Variants in PCDHA7 observed in about 807,000 individuals in gnomAD.
The protein encoded by PCDHA7 is protocadherin alpha-7.
PCDHA7 carries 37 observed loss-of-function variants against 57.2 expected under a neutral mutation model. The ratio of observed to expected loss-of-function variants is 0.65; its 90% confidence interval spans 0.50 to 0.85. The LOEUF (loss-of-function observed/expected upper bound fraction) is 0.85. Ranked by LOEUF, PCDHA7 falls within the 40% of genes least tolerant of loss-of-function variation. The pLI, the probability that PCDHA7 is intolerant of heterozygous loss-of-function variation, is 0.00. For synonymous variants in PCDHA7, 553 were observed against 558.8 expected (o/e 0.99, Z 0.15); for missense variants, 1,188 against 1,241.8 (o/e 0.96, Z 0.65).
intron 1 of PCDHA7, among the ~76,000 whole-genome samples, chr5:140,963,199 A>G (rs955651383): frequency 6.6e-6 from 1 of 152,092 alleles, no homozygotes; most frequent in Non-Finnish European, 1.5e-5. Flanking sequence ...TGAAAATGAA[A>G]AAAAAAACCT....
At chr5:140,898,957 G>A (rs1165991766) in intron 1 of PCDHA7, among the ~76,000 whole-genome samples, 13 of 152,052 alleles carry the variant, frequency 8.5e-5, no homozygotes, top group Admixed American at 8.5e-4. Flanking sequence ...AAGCAGTTGT[G>A]AATGGGAGTT....
chr5:140,875,882 A>G (rs2055902382), intron 1 of PCDHA7: 1 of 1,614,158 alleles, frequency 6.2e-7, no homozygotes, highest in Non-Finnish European at 8.5e-7. Flanking sequence ...AGAGAAAGGG[A>G]ACAAAAGGTA....
chr5:140,852,885 A>ATT, intron 1 of PCDHA7: 58 of 777,210 alleles, frequency 7.5e-5, no homozygotes, highest in Non-Finnish European at 8.7e-5. Flanking sequence ...CATAAAACGT[A>ATT]TTTTTTTTTT....
At chr5:140,914,116 A>T (rs2076611706) in intron 1 of PCDHA7, among the ~76,000 whole-genome samples, 1 of 152,128 alleles carries the variant, frequency 6.6e-6, no homozygotes. Flanking sequence ...ATTAAGTCTG[A>T]TGTTTCTTTG....
chr5:140,863,406 G>A (rs1228817689), intron 1 of PCDHA7: 1 of 800,564 alleles, frequency 1.2e-6, no homozygotes, highest in East Asian at 4.2e-5. Context: ...GCAAGCCCAC[G>A]CTGGTGTACC....
At chr5:140,876,775 C>A (rs373638459) in intron 1 of PCDHA7, 3 of 1,614,130 alleles carry the variant, frequency 1.9e-6, no homozygotes, top group Non-Finnish European at 1.7e-6. Flanking sequence ...CTCGCCTTCG[C>A]TGTGGGCCAC....
rs2150368778 is a variant in PCDHA7 at position 140,844,097 on chromosome 5, C to T, written c.2355+7359C>T. ...CTTAGGCACTGAACTCTTAATCTTA[C>T]TCCATATGCTGTACTTTGAAATGCA... On this transcript the variant is annotated intron_variant, in intron 1 of 3. Coordinates refer to ENST00000525929, the MANE Select transcript of PCDHA7 (RefSeq NM_018910.3). 8.7e-5 allele frequency among the ~76,000 whole-genome samples: 13 copies of T among 149,676 alleles called. No individual in the cohort carries two copies. In the East Asian group the frequency reaches 1.9e-3, roughly 22 times the overall value.
chr5:140,878,727 C>A (rs1329578817), intron 1 of PCDHA7, among the ~76,000 whole-genome samples: 2 of 152,186 alleles, frequency 1.3e-5, no homozygotes, highest in Non-Finnish European at 2.9e-5. Context: ...AAATTTCCAG[C>A]CTTATATCTA....
rs183844925 is a variant in PCDHA7, at chr5:140,839,263, T to C, written c.2355+2525T>C. Among the ~76,000 whole-genome samples the C allele has an allele frequency of 3.7e-4, 56 of 152,234 alleles. 2 individuals carry two copies. Among genetic ancestry groups the C allele is most frequent in the African/African-American group, 1.3e-3 (52 of 41,512 alleles). On this transcript the variant is annotated intron_variant, in intron 1 of 3. Transcript: ENST00000525929. ...CTTTGCTTTTATGCTTACATGCATG[T>C]ATATTTAAAACCTTCCTAGCATATT...
chr5:140,975,156 G>A (rs1404839334), intron 1 of PCDHA7, among the ~76,000 whole-genome samples: 15 of 152,174 alleles, frequency 9.9e-5, no homozygotes, highest in Non-Finnish European at 2.1e-4. Context: ...AGTTCCTAGA[G>A]AACTGAGGAC....
Position 140,994,911 on chromosome 5 carries a change from A to G in PCDHA7, c.2503+12348A>G, listed in dbSNP as rs527704488. Among the ~76,000 whole-genome samples, 14 of 152,340 alleles carry G rather than the reference A, an allele frequency of 9.2e-5. No homozygotes were observed. The East Asian group carries it at 1.7e-3, about 19-fold the overall frequency. On this transcript the variant is annotated intron_variant, in intron 3 of 3. Transcript: ENST00000525929. ...AAATGAGATCAGAAATGTAGACTGGAATCAGATTTTGTAGGACCTTAAACA... is the reference window on the plus strand; with the variant it reads ...AAATGAGATCAGAAATGTAGACTGGGATCAGATTTTGTAGGACCTTAAACA...
chr5:140,870,428 T>C, intron 1 of PCDHA7: 3 of 1,614,126 alleles, frequency 1.9e-6, no homozygotes, highest in Non-Finnish European at 2.5e-6. Flanking sequence ...AGGGTATCCG[T>C]GGAGGTGGCC....
chr5:140,875,556 C>T (rs781896642), intron 1 of PCDHA7: 4 of 1,614,128 alleles, frequency 2.5e-6, no homozygotes, highest in South Asian at 2.2e-5. Context: ...AGGTGGGGAG[C>T]GGCCAGCTCC....
At chr5:140,859,436 A>C (rs868952272) in intron 1 of PCDHA7, 6 of 225,632 alleles carry the variant, frequency 2.7e-5, no homozygotes, top group African/African-American at 1.2e-4. Flanking sequence ...AATGAAAGCT[A>C]ACTTAGTTGC....
At chr5:140,896,583 G>A (rs557774521) in intron 1 of PCDHA7, among the ~76,000 whole-genome samples, 1 of 151,770 alleles carries the variant, frequency 6.6e-6, no homozygotes, top group South Asian at 2.1e-4. Context: ...TGACGTGTTG[G>A]CCAGGCTGGT....
intron 1 of PCDHA7, chr5:140,850,334 A>G (rs2041532425): frequency 6.3e-7 from 1 of 1,597,666 alleles, no homozygotes. Context: ...AGCTGCAGCC[A>G]GAAACGGCCA....
chr5:140,855,030 G>A (rs1385138184), intron 1 of PCDHA7, among the ~76,000 whole-genome samples: 1 of 149,666 alleles, frequency 6.7e-6, no homozygotes, highest in African/African-American at 2.4e-5. Context: ...CTTGTATAAA[G>A]GATTTTTCTG....
intron 1 of PCDHA7, among the ~76,000 whole-genome samples, chr5:140,890,662 C>G (rs75284753): frequency 3.3e-5 from 5 of 152,136 alleles, no homozygotes; most frequent in South Asian, 2.1e-4. Flanking sequence ...CAAAAGTTAA[C>G]TGAAACCCTT....
intron 1 of PCDHA7, chr5:140,968,839 T>C (rs1426943047): frequency 1.3e-5 from 21 of 1,614,052 alleles, no homozygotes; most frequent in Non-Finnish European, 1.7e-5. Flanking sequence ...TCCCTGACAC[T>C]CAGAGGCATG....
Sources: gnomAD v4.1 joint callset for allele counts (sites outside exome capture counted in the v4.1 genomes callset) on GRCh38, gnomAD v4.1.1 for gene constraint, MANE v1.5 for transcripts, NCBI Gene and HGNC (gene_info 2026-07-23, HGNC 2026-07-21) for gene names.